TJP1: variants seen among roughly 807,000 people sequenced by gnomAD.
The protein encoded by TJP1 is tight junction protein 1, also known as tight junction protein ZO-1.
TJP1 carries 43 observed loss-of-function variants against 194.2 expected under a neutral mutation model. That is an observed-to-expected ratio of 0.22 (90% CI 0.17 to 0.29). TJP1 has a LOEUF of 0.29. TJP1 is among the 10% of genes least tolerant of loss of function. The pLI is 1.00. For synonymous variants in TJP1, 801 were observed against 779.0 expected (o/e 1.03, Z -0.47); for missense variants, 1,971 against 2,185.7 (o/e 0.90, Z 1.96).
At chr15:29,944,802 A>G (rs2055217691) in intron 2 of TJP1, among the ~76,000 whole-genome samples, 1 of 152,218 alleles carries the variant, frequency 6.6e-6, no homozygotes, top group South Asian at 2.1e-4. Context: ...AAAGTCCAAT[A>G]ACCTGGATCA....
At chr15:29,927,699 A>G (rs2152264776) in intron 2 of TJP1, among the ~76,000 whole-genome samples, 1 of 152,300 alleles carries the variant, frequency 6.6e-6, no homozygotes, top group African/African-American at 2.4e-5. Flanking sequence ...AGCCACGCAT[A>G]TGGGGCCATC....
At chr15:29,818,041 G>C (rs1202973358) in intron 1 of TJP1, among the ~76,000 whole-genome samples, 1 of 150,920 alleles carries the variant, frequency 6.6e-6, no homozygotes, top group African/African-American at 2.4e-5. Context: ...TGCTCCACTT[G>C]ATACAATAAA....
In TJP1 at chr15:29,726,968, T is replaced by C. The variant is rs1054329129; in HGVS notation, c.2124A>G (p.Val708=). ...IDQDKHALLD[V]TPNAVDRLNY... is the part of the protein sequence containing the mutation. ...TAAGACGATCAACTGCATTTGGTGT[T>C]ACATCTAATAAAGCATGTTTGTCCT... Residue 708 remains valine (V), a synonymous_variant, in exon 17 of 28, where the codon GTA becomes GTG. Coordinates refer to ENST00000614355, the MANE Select transcript of TJP1 (RefSeq NM_001330239.4). 1.9e-6 allele frequency: 3 copies of C among 1,614,086 alleles called. No individual in the cohort carries two copies. Among genetic ancestry groups the C allele is most frequent in the Non-Finnish European group, 2.5e-6 (3 of 1,179,978 alleles).
intron 1 of TJP1, among the ~76,000 whole-genome samples, chr15:29,811,205 C>A (rs997728910): frequency 7.1e-4 from 108 of 152,038 alleles, no homozygotes; most frequent in African/African-American, 2.5e-3. Context: ...AGCTTACTGA[C>A]CATATTAAGG....
At chr15:29,963,897 C>A (rs774971765) in intron 1 of TJP1, among the ~76,000 whole-genome samples, 3 of 152,176 alleles carry the variant, frequency 2.0e-5, no homozygotes, top group Non-Finnish European at 4.4e-5. Context: ...TGTAATCTGC[C>A]CGCCTCAGCC....
chr15:29,754,141 T>G (rs1385131873), intron 8 of TJP1, among the ~76,000 whole-genome samples: 1 of 152,126 alleles, frequency 6.6e-6, no homozygotes, highest in Non-Finnish European at 1.5e-5. Flanking sequence ...TGCCCACCAA[T>G]GACAGAGTGG....
At chr15:29,746,912 GAA>G (rs1267893240) in intron 8 of TJP1, among the ~76,000 whole-genome samples, 1 of 139,774 alleles carries the variant, frequency 7.2e-6, no homozygotes. Flanking sequence ...AATCTTTTAG[GAA>G]AAAAAAAAAA....
In TJP1 at chr15:29,700,720, T is replaced by TAAAA; in HGVS notation, c.*874_*875insTTTT. 7.6e-6 allele frequency: 1 copy of TAAAA among 131,542 alleles called. No homozygotes were observed. The highest frequency in any genetic ancestry group is 1.4e-5 in the Non-Finnish European group (1 of 71,620). 8.1% of individuals were successfully genotyped at this position (131,542 alleles called of 1,614,324 possible). On this transcript the variant is annotated 3_prime_UTR_variant, in exon 28 of 28. Transcript: ENST00000614355. ...AACAGAAAACCACCACTGCCCCTTG[T>TAAAA]CAAAAAAAAAAAAAAAGAAAAGAAA...
chr15:29,910,159 C>T (rs2053968716), intron 2 of TJP1, among the ~76,000 whole-genome samples: 1 of 152,188 alleles, frequency 6.6e-6, no homozygotes, highest in Non-Finnish European at 1.5e-5. Flanking sequence ...ATATCTAACA[C>T]CCATTTTCCT....
chr15:29,914,241 T>C (rs1350548821), intron 2 of TJP1, among the ~76,000 whole-genome samples: 1 of 152,226 alleles, frequency 6.6e-6, no homozygotes, highest in African/African-American at 2.4e-5. Flanking sequence ...CCTGGTGTTT[T>C]CATACATCAT....
chr15:29,822,610 G>A (rs970202434), upstream of TJP1: 2 of 484,228 alleles, frequency 4.1e-6, no homozygotes, highest in Admixed American at 6.4e-5. Flanking sequence ...CCGACCCCAA[G>A]CGCGGAAGGA....
At chr15:29,816,109 ACT>A (rs1169595218) in intron 1 of TJP1, among the ~76,000 whole-genome samples, 5 of 151,574 alleles carry the variant, frequency 3.3e-5, no homozygotes, top group Non-Finnish European at 7.4e-5. Context: ...TCAACTGCAA[ACT>A]CTGCTTCCTG....
intron 15 of TJP1, chr15:29,728,982 C>G (rs942980471): frequency 6.6e-6 from 1 of 152,160 alleles, no homozygotes; most frequent in African/African-American, 2.4e-5. Flanking sequence ...ACTAAGCTAC[C>G]TGAATTCCCT....
chr15:29,968,606 G>T (rs947970570), intron 1 of TJP1: 18 of 946,084 alleles, frequency 1.9e-5, no homozygotes, highest in East Asian at 1.2e-4. Flanking sequence ...CTCCCACTCC[G>T]GCCCCCGCCC....
At chr15:29,730,838 A>G in intron 15 of TJP1, 1 of 1,046,900 alleles carries the variant, frequency 9.6e-7, no homozygotes, top group South Asian at 1.3e-5. Context: ...CCAAGCCTAA[A>G]AAGGCCCCTG....
At chr15:29,769,771 T>C (rs747861260) in intron 4 of TJP1, among the ~76,000 whole-genome samples, 19 of 152,206 alleles carry the variant, frequency 1.2e-4, no homozygotes, top group Non-Finnish European at 2.5e-4. Context: ...AAAGCTACTA[T>C]GCTGCCAGTG....
chr15:29,708,034 A>C (rs2042005365), intron 25 of TJP1, among the ~76,000 whole-genome samples: 1 of 152,032 alleles, frequency 6.6e-6, no homozygotes, highest in African/African-American at 2.4e-5. Context: ...CCTCTACTAA[A>C]AATACAAAAA....
intron 2 of TJP1, among the ~76,000 whole-genome samples, chr15:29,905,467 C>G (rs915171010): frequency 5.3e-5 from 8 of 152,146 alleles, no homozygotes; most frequent in African/African-American, 1.9e-4. Flanking sequence ...TCTTACAAAA[C>G]CAAACAATCT....
At chr15:29,823,232 T>C (rs2050538800), upstream of TJP1, 3 of 152,262 alleles carry the variant, frequency 2.0e-5, no homozygotes, top group Non-Finnish European at 4.4e-5. Context: ...CAAGCTGCCC[T>C]GCATTCCAAT....
Sources: gnomAD v4.1 joint callset for allele counts (sites outside exome capture counted in the v4.1 genomes callset) on GRCh38, gnomAD v4.1.1 for gene constraint, MANE v1.5 for transcripts, NCBI Gene and HGNC (gene_info 2026-07-23, HGNC 2026-07-21) for gene names.